Variants in ALPK3 observed in about 807,000 individuals in gnomAD.
ALPK3 encodes alpha kinase 3.
In ALPK3, 102 loss-of-function variants were observed where a neutral mutation model predicts 140.0. That is an observed-to-expected ratio of 0.73 (90% CI 0.62 to 0.86). The LOEUF (loss-of-function observed/expected upper bound fraction) is 0.86. Among genes scored for constraint, ALPK3 ranks in the 40% least tolerant of loss-of-function variants. The probability of loss-of-function intolerance (pLI) is 0.00; values close to 1 mark genes in which losing one functional copy is unlikely to be tolerated. For synonymous variants in ALPK3, 938 were observed against 898.5 expected, an observed-to-expected ratio of 1.04 and a Z score of -0.79; for missense variants, 2,254 against 2,208.2, an observed-to-expected ratio of 1.02 and a Z score of -0.42.
intron 2 of ALPK3, among the ~76,000 whole-genome samples, chr15:84,825,314 C>T (rs963292676): frequency 1.3e-4 from 20 of 151,900 alleles, no homozygotes; most frequent in South Asian, 2.1e-4. Flanking sequence ...GTAGCTGGGA[C>T]TACAGGCGCC....
At chr15:84,823,299 C>T (rs1476933448) in intron 1 of ALPK3, 31 bp from the exon 2 acceptor site, 1 of 1,613,722 alleles carries the variant, frequency 6.2e-7, no homozygotes, top group Non-Finnish European at 8.5e-7. Context: ...GCTTTTTTGG[C>T]CTAATGATTC....
intron 11 of ALPK3, 57 bp downstream of exon 11, chr15:84,863,697 C>T (rs1963974226): frequency 6.5e-7 from 1 of 1,527,502 alleles, no homozygotes; most frequent in Admixed American, 1.9e-5. Context: ...TGGGCTTCTG[C>T]AAAGACAGTG....
In ALPK3 at chr15:84,868,334, G is replaced by C; in HGVS notation, c.4996G>C (p.Gly1666Arg). The C allele has an allele frequency of 1.2e-6, 2 of 1,614,084 alleles. No individual in the cohort carries two copies. Among genetic ancestry groups the C allele is most frequent in the Non-Finnish European group, 1.7e-6 (2 of 1,180,008 alleles). ...GAAGAAAGGCCTCCCTAGTCCTCAG[G>C]GCACCCGGAAGAGTGCTCCAAGTTC... ...PQKKGLPSPQGTRKSAPSSKA... is the reference protein window; with the variant it reads ...PQKKGLPSPQRTRKSAPSSKA... Residue 1666 changes from glycine to arginine, a missense_variant, in exon 14 of 14, where the codon GGC (glycine) becomes CGC (arginine). Transcript: ENST00000258888.
chr15:84,846,430 G>T (rs1963732113), intron 5 of ALPK3, among the ~76,000 whole-genome samples: 1 of 152,186 alleles, frequency 6.6e-6, no homozygotes, highest in Non-Finnish European at 1.5e-5. Flanking sequence ...GCAAGTAAGG[G>T]TGAATACTCT....
Position 84,839,689 on chromosome 15 carries a change from C to T in ALPK3, c.423-13C>T, listed in dbSNP as rs1963634168. ...AGGAGGGGAGAGGTGGCACCTCCCG[C>T]TCCTACCTCTAGGTGTCGAGAAGAA... On this transcript the variant is annotated splice_polypyrimidine_tract_variant and intron_variant, in intron 4 of 13. Transcript: ENST00000258888. 6.3e-7 allele frequency: 1 copy of T among 1,585,716 alleles called. No individual in the cohort carries two copies. Among genetic ancestry groups the T allele is most frequent in the East Asian group, 2.2e-5 (1 of 44,556 alleles).
intron 9 of ALPK3, among the ~76,000 whole-genome samples, chr15:84,861,796 CCT>C (rs1452026428): frequency 9.2e-5 from 14 of 151,946 alleles, no homozygotes; most frequent in African/African-American, 2.4e-4. Flanking sequence ...GGTGCCCTAC[CCT>C]ACCGTTTTCC....
chr15:84,845,440 A>T (rs905133406), intron 5 of ALPK3, among the ~76,000 whole-genome samples: 1 of 152,036 alleles, frequency 6.6e-6, no homozygotes, highest in African/African-American at 2.4e-5. Context: ...GTGTGAAACA[A>T]TGTGGCAGAG....
At chr15:84,845,154 C>CAT (rs1963714431) in intron 5 of ALPK3, among the ~76,000 whole-genome samples, 1 of 150,128 alleles carries the variant, frequency 6.7e-6, no homozygotes, top group South Asian at 2.1e-4. Flanking sequence ...TCCCTTCTGG[C>CAT]ATTTCCTGGC....
intron 5 of ALPK3, among the ~76,000 whole-genome samples, chr15:84,853,750 A>C (rs1963831659): frequency 6.6e-6 from 1 of 152,180 alleles, no homozygotes; most frequent in African/African-American, 2.4e-5. Flanking sequence ...AGTCTGGGCA[A>C]GATGGCAAGA....
chr15:84,820,398 G>T (rs935776553), intron 1 of ALPK3, among the ~76,000 whole-genome samples: 11 of 152,178 alleles, frequency 7.2e-5, no homozygotes, highest in African/African-American at 2.4e-4. Flanking sequence ...CTAGATGAAA[G>T]CCAGGAGGGA....
chr15:84,818,355 A>C (rs1963385777), intron 1 of ALPK3, among the ~76,000 whole-genome samples: 1 of 152,218 alleles, frequency 6.6e-6, no homozygotes, highest in South Asian at 2.1e-4. Context: ...TAAAGACACA[A>C]AGACAATAGA....
At position 84,868,515 on chromosome 15, in the gene ALPK3, C is replaced by A; in HGVS notation, c.*59C>A. The stretch of plus-strand genomic sequence containing the variant: ...CAGACCAACCAGGAAGCAGCTTGAA[C>A]TGGATGGAGACTTTCCAAATATGGA... On this transcript the variant is annotated 3_prime_UTR_variant, in exon 14 of 14. Coordinates refer to ENST00000258888, the MANE Select transcript of ALPK3 (RefSeq NM_020778.5). The A allele has an allele frequency of 6.8e-7, 1 of 1,468,602 alleles. No homozygotes were observed. The highest frequency in any genetic ancestry group is 1.2e-5 in the South Asian group (1 of 80,180). 91.0% of individuals were successfully genotyped at this position (1,468,602 alleles called of 1,614,324 possible).
Position 84,817,520 on chromosome 15 carries a change from G to A in ALPK3, c.68G>A (p.Gly23Asp). ...GGGCGGTCGGGGGCGGGGGGCGACG[G>A]TGAGGACGACGGCCCCGTGTGGATC... ...AGGRSGAGGD[G>D]EDDGPVWIPS... Residue 23 changes from glycine (G) to aspartate (D), a missense_variant, in exon 1 of 14, where the codon GGT (glycine) becomes GAT (aspartate). Physicochemically the swap from Gly to Asp is moderately conservative, Grantham distance 94. Around this residue, in one of 3 missense-constraint regions of ALPK3, gnomAD observed 2,088 missense variants for 2,022.9 expected, o/e 1.03. Coordinates refer to ENST00000258888, the MANE Select transcript of ALPK3 (RefSeq NM_020778.5). 1 of 1,481,902 alleles carries A rather than the reference G, an allele frequency of 6.7e-7. No individual in the cohort carries two copies. Among genetic ancestry groups the A allele is most frequent in the South Asian group, 1.3e-5 (1 of 79,382 alleles). The allele number at this position is 1,481,902 out of a possible 1,614,324, so 91.8% of individuals were successfully genotyped here. A position where few individuals can be genotyped will look rare whatever the true frequency, so the allele number is the denominator to read the frequency against.
chr15:84,861,753 C>G (rs1213363396), intron 9 of ALPK3, among the ~76,000 whole-genome samples: 1 of 150,476 alleles, frequency 6.6e-6, no homozygotes, highest in African/African-American at 2.5e-5. Context: ...TTGCTCTTTT[C>G]CCTTTAGTTA....
At chr15:84,828,196 G>T (rs1357939627) in intron 3 of ALPK3, among the ~76,000 whole-genome samples, 1 of 152,224 alleles carries the variant, frequency 6.6e-6, no homozygotes, top group Non-Finnish European at 1.5e-5. Flanking sequence ...CATGCAAAGT[G>T]TTTGGAGTAG....
At position 84,868,280 on chromosome 15, in the gene ALPK3, A is replaced by G. The variant is rs1273857977; in HGVS notation, c.4942A>G (p.Lys1648Glu). The change falls in exon 14 of 14, where the codon AAA becomes GAA. Residue 1648 changes from lysine (K) to glutamate (E), a missense_variant. Physicochemically the swap from Lys to Glu is moderately conservative, Grantham distance 56. Coordinates refer to ENST00000258888, the MANE Select transcript of ALPK3 (RefSeq NM_020778.5). ...CTCTAAGAGTCCATCTGCTGGCAGG[A>G]AAGGCTCCCAGCTGAGTCCTCAGCC... ...KGSKSPSAGR[K>E]GSQLSPQPQK... is the part of the protein sequence containing the mutation. The G allele has an allele frequency of 6.2e-7, 1 of 1,614,110 alleles. No individual in the cohort carries two copies. Among genetic ancestry groups the G allele is most frequent in the Non-Finnish European group, 8.5e-7 (1 of 1,179,976 alleles).
Position 84,856,694 on chromosome 15 carries a change from G to A in ALPK3, c.1956G>A (p.Gln652=). ...GGACACAAGAAAGCAAGAGGCCACA[G>A]TCAGACAGGAGTGCACAGAAGGGCA... is the stretch of plus-strand genomic sequence containing the variant. ...DAGTQESKRP[Q]SDRSAQKGMM... Residue 652 remains glutamine (Q), a synonymous_variant, in exon 6 of 14, where the codon CAG becomes CAA. Coordinates refer to ENST00000258888, the MANE Select transcript of ALPK3 (RefSeq NM_020778.5). 1 of 1,614,132 alleles carries A rather than the reference G, an allele frequency of 6.2e-7. No individual in the cohort carries two copies. The highest frequency in any genetic ancestry group is 8.5e-7 in the Non-Finnish European group (1 of 1,180,034).
Position 84,817,389 on chromosome 15 carries a change from CG to C in ALPK3, c.-60del. The stretch of plus-strand genomic sequence containing the variant: ...CGGCGGCGGGCAGGGGCCCGGGGGC[CG>C]GGGCCTGGAGGACAGGCGAGGCAGC... On this transcript the variant is annotated 5_prime_UTR_variant, in exon 1 of 14. Coordinates refer to ENST00000258888, the MANE Select transcript of ALPK3 (RefSeq NM_020778.5). The C allele has an allele frequency of 8.2e-7, 1 of 1,218,750 alleles. No homozygotes were observed. The highest frequency in any genetic ancestry group is 1.0e-6 in the Non-Finnish European group (1 of 981,444). The allele number at this position is 1,218,750 out of a possible 1,614,324, so 75.5% of individuals were successfully genotyped here. A position where few individuals can be genotyped will look rare whatever the true frequency, so the allele number is the denominator to read the frequency against.
intron 5 of ALPK3, among the ~76,000 whole-genome samples, chr15:84,851,916 T>C (rs2141564435): frequency 6.6e-6 from 1 of 152,310 alleles, no homozygotes; most frequent in Non-Finnish European, 1.5e-5. Flanking sequence ...ATATTTTTAG[T>C]TTTAATAGAT....
Sources: gnomAD v4.1 joint callset for allele counts (sites outside exome capture counted in the v4.1 genomes callset) on GRCh38, gnomAD v4.1.1 for gene constraint, gnomAD v4.1.1 regional missense constraint, MANE v1.5 for transcripts, NCBI Gene and HGNC (gene_info 2026-07-23, HGNC 2026-07-21) for gene names.